Variants in VPS45 observed in about 807,000 individuals in gnomAD.
VPS45 encodes vacuolar protein sorting-associated protein 45.
In VPS45, 35 loss-of-function variants were observed where a neutral mutation model predicts 75.9. That is an observed-to-expected ratio of 0.46 (90% CI 0.35 to 0.61). VPS45 has a LOEUF of 0.61. Among genes scored for constraint, VPS45 ranks in the 20% least tolerant of loss-of-function variants. VPS45 has a pLI of 0.00. For synonymous variants in VPS45, 220 were observed against 238.2 expected (o/e 0.92, Z 0.70); for missense variants, 559 against 685.9 (o/e 0.81, Z 2.07).
chr1:150,068,889 C>A, intron 2 of VPS45, 125 bp downstream of exon 2: 1 of 1,074,726 alleles, frequency 9.3e-7, no homozygotes, highest in South Asian at 1.9e-5. Context: ...CCTGGTTCAT[C>A]AGTGTTATAA....
intron 13 of VPS45, among the ~76,000 whole-genome samples, chr1:150,096,996 C>CT (rs782303822): frequency 0.99 from 145,882 of 146,916 alleles, 72,424 homozygotes; most frequent in Middle Eastern, 1. Flanking sequence ...ATTACGTATT[C>CT]TTTTTTTTTT....
chr1:150,102,247 AAAAAAAAC>A lies in VPS45; in HGVS notation c.1494-8245_1494-8238del, dbSNP rs1310471209. 1.5e-3 allele frequency among the ~76,000 whole-genome samples: 228 copies of A among 148,962 alleles called. 4 individuals carry two copies. The highest frequency in any genetic ancestry group is 5.4e-3 in the African/African-American group (216 of 39,860). On this transcript the variant is annotated intron_variant, in intron 13 of 14. Coordinates refer to ENST00000644510, the MANE Select transcript of VPS45 (RefSeq NM_007259.5). Reference sequence around the variant, plus strand: ...AGTGAGACTCCGTCAAAAAAAAAAAAAAAAAAACAAACACATGCATGGCCAGGTTGGGT... The same window carrying A: ...AGTGAGACTCCGTCAAAAAAAAAAAAAAACACATGCATGGCCAGGTTGGGT...
rs781971495 is a variant in VPS45, at chr1:150,077,654, C to T, written c.577-15C>T. 2 of 1,581,536 alleles carry T rather than the reference C, an allele frequency of 1.3e-6. No homozygotes were observed. The highest frequency in any genetic ancestry group is 1.7e-6 in the Non-Finnish European group (2 of 1,150,666). The stretch of plus-strand genomic sequence containing the variant: ...CTAGATGGTTGCACAAACCATCTTT[C>T]TCTCTCACCCACAGCAAGTGATAAC... On this transcript the variant is annotated splice_polypyrimidine_tract_variant and intron_variant, in intron 6 of 14. Coordinates refer to ENST00000644510, the MANE Select transcript of VPS45 (RefSeq NM_007259.5).
At chr1:150,141,662 T>C (rs185269897) in intron 14 of VPS45, among the ~76,000 whole-genome samples, 1 of 152,306 alleles carries the variant, frequency 6.6e-6, no homozygotes, top group East Asian at 1.9e-4. Flanking sequence ...ACACCCTTGA[T>C]GACAGCACAA....
At chr1:150,081,521 G>A in intron 8 of VPS45, 45 bp downstream of exon 8, 1 of 1,573,332 alleles carries the variant, frequency 6.4e-7, no homozygotes, top group Non-Finnish European at 8.6e-7. Context: ...TTGTTTTTAT[G>A]TAAGAAGATC....
intron 13 of VPS45, among the ~76,000 whole-genome samples, chr1:150,102,168 G>A (rs1469564398): frequency 6.7e-6 from 1 of 149,946 alleles, no homozygotes; most frequent in African/African-American, 2.5e-5. Context: ...AACCCGGGAG[G>A]TGGAGATTGT....
At chr1:150,087,453 G>A (rs1463707517) in intron 10 of VPS45, among the ~76,000 whole-genome samples, 2 of 152,162 alleles carry the variant, frequency 1.3e-5, no homozygotes, top group African/African-American at 4.8e-5. Context: ...ATGTAATTCA[G>A]TTAATTTCCA....
At chr1:150,101,714 G>A (rs1553804388) in intron 13 of VPS45, among the ~76,000 whole-genome samples, 2 of 151,222 alleles carry the variant, frequency 1.3e-5, no homozygotes, top group Non-Finnish European at 2.9e-5. Context: ...AGCTCTGGGC[G>A]ACAGAGCAAG....
chr1:150,073,405 TA>T (rs1432008642), intron 3 of VPS45, among the ~76,000 whole-genome samples: 5 of 152,148 alleles, frequency 3.3e-5, no homozygotes, highest in African/African-American at 1.2e-4. Flanking sequence ...TATATATATA[TA>T]AGAGCTCTCT....
chr1:150,117,921 C>A (rs1658026334), intron 14 of VPS45, among the ~76,000 whole-genome samples: 1 of 151,620 alleles, frequency 6.6e-6, no homozygotes, highest in Non-Finnish European at 1.5e-5. Flanking sequence ...TTTTATATGT[C>A]TTTGTAATTT....
In VPS45 at chr1:150,143,062, C is replaced by G. The variant is rs1259785729; in HGVS notation, c.1626-1647C>G. ...TACCTCTGTGTTAAGCCCTGGAGAT[C>G]TAAGGTGAGTAAGACTTCCCCCTAC... On this transcript the variant is annotated intron_variant, in intron 14 of 14. Coordinates refer to ENST00000644510, the MANE Select transcript of VPS45 (RefSeq NM_007259.5). 6 of 242,834 alleles carry G rather than the reference C, an allele frequency of 2.5e-5. No individual in the cohort carries two copies. In the East Asian group the frequency reaches 7.6e-4, roughly 31 times the overall value. 15.0% of individuals were successfully genotyped at this position (242,834 alleles called of 1,614,324 possible).
intron 10 of VPS45, among the ~76,000 whole-genome samples, chr1:150,088,867 A>G (rs1459730256): frequency 3.3e-5 from 5 of 152,186 alleles, no homozygotes; most frequent in Admixed American, 6.5e-5. Flanking sequence ...GCTGCAGTAA[A>G]CATAGGAGTG....
At chr1:150,132,560 C>G (rs1658888144) in intron 14 of VPS45, among the ~76,000 whole-genome samples, 1 of 152,176 alleles carries the variant, frequency 6.6e-6, no homozygotes, top group African/African-American at 2.4e-5. Flanking sequence ...TACAGTATTA[C>G]CTTCCCCAAA....
chr1:150,081,622 G>A lies in VPS45; in HGVS notation c.822+146G>A. The A allele has an allele frequency of 2.2e-5, 22 of 1,014,774 alleles. No individual in the cohort carries two copies. In the South Asian group the frequency reaches 3.5e-4, roughly 16 times the overall value. 62.9% of individuals were successfully genotyped at this position (1,014,774 alleles called of 1,614,324 possible). ...GTGCATAAACTGCCTCTGAAGGGAA[G>A]GCAGAAGACTTGGATTCTGACCCTT... On this transcript the variant is annotated intron_variant, in intron 8 of 14. Coordinates refer to ENST00000644510, the MANE Select transcript of VPS45 (RefSeq NM_007259.5).
chr1:150,077,112 G>T lies in VPS45; in HGVS notation c.457G>T (p.Ala153Ser). 1 of 1,613,972 alleles carries T rather than the reference G, an allele frequency of 6.2e-7. No homozygotes were observed. The highest frequency in any genetic ancestry group is 8.5e-7 in the Non-Finnish European group (1 of 1,179,974). The change falls in exon 6 of 15, where the codon GCC becomes TCC. Residue 153 changes from alanine to serine, a missense_variant. Coordinates refer to ENST00000644510, the MANE Select transcript of VPS45 (RefSeq NM_007259.5). ...CAAAAAGGGTCGAAATTGGGATCCA[G>T]CCCAGCTATCTAGAACAACTCAAGG... ...GCCQGRNWDP[A>S]QLSRTTQGLT...
intron 13 of VPS45, among the ~76,000 whole-genome samples, chr1:150,101,786 G>A (rs957664910): frequency 6.6e-6 from 1 of 151,426 alleles, no homozygotes; most frequent in Non-Finnish European, 1.5e-5. Flanking sequence ...GCAGAGAAAA[G>A]GGAACACTTG....
chr1:150,130,488 G>A (rs1394645032), intron 14 of VPS45, among the ~76,000 whole-genome samples: 2 of 151,960 alleles, frequency 1.3e-5, no homozygotes, highest in African/African-American at 4.8e-5. Context: ...CACCACACCA[G>A]GCCTAGCCCA....
intron 10 of VPS45, among the ~76,000 whole-genome samples, chr1:150,085,736 G>T (rs1274309697): frequency 1.3e-5 from 2 of 151,320 alleles, no homozygotes; most frequent in Non-Finnish European, 3.0e-5. Flanking sequence ...ATCATGACAA[G>T]AAAAAAAAGC....
intron 14 of VPS45, among the ~76,000 whole-genome samples, chr1:150,132,777 A>G (rs1267617139): frequency 6.6e-6 from 1 of 152,228 alleles, no homozygotes; most frequent in African/African-American, 2.4e-5. Context: ...CACTTGTATG[A>G]TCTGAGACAA....
Sources: gnomAD v4.1 joint callset for allele counts (sites outside exome capture counted in the v4.1 genomes callset) on GRCh38, gnomAD v4.1.1 for gene constraint, MANE v1.5 for transcripts, NCBI Gene and HGNC (gene_info 2026-07-23, HGNC 2026-07-21) for gene names.